NCOA1: variants seen among roughly 807,000 people sequenced by gnomAD.
The protein encoded by NCOA1 is nuclear receptor coactivator 1, also known as Hin-2 protein.
Under a neutral mutation model 150.9 loss-of-function variants are expected in NCOA1, and 35 were observed. The ratio of observed to expected loss-of-function variants is 0.23; its 90% confidence interval spans 0.18 to 0.31. The LOEUF is 0.31. Ranked by LOEUF, NCOA1 falls within the 10% of genes least tolerant of loss-of-function variation. The pLI, the probability that NCOA1 is intolerant of heterozygous loss-of-function variation, is 1.00. For synonymous variants in NCOA1, 590 were observed against 630.0 expected, an observed-to-expected ratio of 0.94 and a Z score of 0.95; for missense variants, 1,491 against 1,749.3, an observed-to-expected ratio of 0.85 and a Z score of 2.63.
chr2:24,741,775 G>C lies in NCOA1; in HGVS notation c.3304-9G>C. 2 of 1,595,442 alleles carry C rather than the reference G, an allele frequency of 1.3e-6. No individual in the cohort carries two copies. The highest frequency in any genetic ancestry group is 8.5e-7 in the Non-Finnish European group (1 of 1,172,262). ...AATTTTAGTAAGTGAGTTTTTTCCT[G>C]CTTTTCAGCCACCCCTGAATGCTCA... is the stretch of plus-strand genomic sequence containing the variant. On this transcript the variant is annotated splice_polypyrimidine_tract_variant and intron_variant, in intron 18 of 22. Transcript: ENST00000348332.
chr2:24,604,227 A>G lies in NCOA1; in HGVS notation c.-175+19667A>G, dbSNP rs146168268. On this transcript the variant is annotated intron_variant, in intron 3 of 22. Transcript: ENST00000348332. ...GTTGTTATAGCACACAGGCCAGGTA[A>G]ATTAAACGTAATTCTTATTGGCCAT... Among the ~76,000 whole-genome samples the G allele has an allele frequency of 1.5e-3, 226 of 152,274 alleles. 4 individuals carry two copies. The South Asian group carries it at 0.027, about 18-fold the overall frequency.
intron 14 of NCOA1, among the ~76,000 whole-genome samples, chr2:24,722,697 T>TA (rs995357709): frequency 6.6e-6 from 1 of 152,156 alleles, no homozygotes; most frequent in African/African-American, 2.4e-5. Flanking sequence ...TTTTTAATCT[T>TA]ATTAATTCAC....
At chr2:24,748,037 C>T (rs1457092722) in intron 19 of NCOA1, among the ~76,000 whole-genome samples, 3 of 150,968 alleles carry the variant, frequency 2.0e-5, no homozygotes, top group Admixed American at 6.6e-5. Flanking sequence ...ACCCAGGAGG[C>T]GGAGGTTGTG....
chr2:24,587,489 T>C (rs1333113199), intron 3 of NCOA1, among the ~76,000 whole-genome samples: 1 of 152,166 alleles, frequency 6.6e-6, no homozygotes, highest in Non-Finnish European at 1.5e-5. Context: ...GTCACATTAT[T>C]TCATTTTAAA....
At chr2:24,666,640 T>A (rs1671443984) in intron 6 of NCOA1, among the ~76,000 whole-genome samples, 1 of 50,220 alleles carries the variant, frequency 2.0e-5, no homozygotes, top group South Asian at 1.1e-3. Flanking sequence ...AAACCCGGAT[T>A]TTTTTTTTTT....
intron 1 of NCOA1, among the ~76,000 whole-genome samples, chr2:24,522,491 G>A (rs1476368668): frequency 1.3e-5 from 2 of 152,070 alleles, no homozygotes; most frequent in Non-Finnish European, 1.5e-5. Flanking sequence ...TATTATAATG[G>A]TATCTGATAA....
At chr2:24,740,012 A>G (rs1299589753) in intron 18 of NCOA1, among the ~76,000 whole-genome samples, 1 of 151,994 alleles carries the variant, frequency 6.6e-6, no homozygotes, top group Non-Finnish European at 1.5e-5. Flanking sequence ...AACTTTAAAC[A>G]TAAAAAGAAC....
chr2:24,762,758 A>G lies in NCOA1; in HGVS notation c.4137A>G (p.Thr1379=). ...TCTCATCCACTGACCTTCTCAAAAC[A>G]GAAGCAGATGGAACCCAGGTCAGTA... ...NQLSSTDLLK[T]EADGTQQVQQ... Residue 1379 remains threonine, a synonymous_variant, in exon 22 of 23, where the codon ACA becomes ACG. Transcript: ENST00000348332. 2 of 1,613,978 alleles carry G rather than the reference A, an allele frequency of 1.2e-6. No homozygotes were observed. Among genetic ancestry groups the G allele is most frequent in the South Asian group, 1.1e-5 (1 of 91,078 alleles).
chr2:24,595,120 A>G (rs1312367657), intron 3 of NCOA1, among the ~76,000 whole-genome samples: 6 of 152,104 alleles, frequency 3.9e-5, no homozygotes, highest in Non-Finnish European at 7.4e-5. Context: ...AGCACAGTTC[A>G]ATTATCTAAG....
At chr2:24,607,774 G>A (rs1178733026) in intron 3 of NCOA1, among the ~76,000 whole-genome samples, 1 of 151,948 alleles carries the variant, frequency 6.6e-6, no homozygotes, top group Non-Finnish European at 1.5e-5. Flanking sequence ...TTCATAAAAC[G>A]AGTTGGGGAA....
intron 17 of NCOA1, among the ~76,000 whole-genome samples, chr2:24,734,873 A>G (rs551409078): frequency 6.6e-6 from 1 of 152,340 alleles, no homozygotes. Context: ...AGAGTTCTAC[A>G]TAATAGACGG....
intron 3 of NCOA1, among the ~76,000 whole-genome samples, chr2:24,613,379 C>G (rs1668722230): frequency 1.3e-5 from 2 of 152,202 alleles, no homozygotes; most frequent in Non-Finnish European, 2.9e-5. Context: ...GAGCTACTTG[C>G]TCAGCCCCAG....
intron 22 of NCOA1, 141 bp downstream of exon 22, chr2:24,762,917 C>T: frequency 1.4e-6 from 1 of 711,342 alleles, no homozygotes; most frequent in East Asian, 2.6e-5. Flanking sequence ...GCTGTGTCGT[C>T]CTGGGCATGT....
At chr2:24,598,086 T>C (rs903317206) in intron 3 of NCOA1, among the ~76,000 whole-genome samples, 2 of 152,218 alleles carry the variant, frequency 1.3e-5, no homozygotes, top group African/African-American at 4.8e-5. Flanking sequence ...GCTTCATCCA[T>C]GTCCCTACAA....
chr2:24,562,793 G>A (rs1169917541), intron 1 of NCOA1, among the ~76,000 whole-genome samples: 1 of 152,150 alleles, frequency 6.6e-6, no homozygotes, highest in Non-Finnish European at 1.5e-5. Context: ...AGATGACCAA[G>A]ATTTTGAAAC....
intron 1 of NCOA1, among the ~76,000 whole-genome samples, chr2:24,557,729 A>G (rs983612669): frequency 8.5e-5 from 13 of 152,126 alleles, no homozygotes; most frequent in African/African-American, 3.1e-4. Context: ...TATACATAGA[A>G]CTGAATTCTA....
intron 7 of NCOA1, among the ~76,000 whole-genome samples, chr2:24,681,507 C>T (rs1197978986): frequency 6.6e-6 from 1 of 152,146 alleles, no homozygotes; most frequent in Non-Finnish European, 1.5e-5. Flanking sequence ...TTTTCAGTAT[C>T]ACGTCATTTT....
chr2:24,595,218 A>ATT (rs1558822905), intron 3 of NCOA1, among the ~76,000 whole-genome samples: 1 of 152,114 alleles, frequency 6.6e-6, no homozygotes, highest in Non-Finnish European at 1.5e-5. Context: ...GAAATTTAAA[A>ATT]TAAATATAAC....
Position 24,715,802 on chromosome 2 carries a change from G to C in NCOA1, c.2599+4691G>C, listed in dbSNP as rs1025992850. On this transcript the variant is annotated intron_variant, in intron 14 of 22. Coordinates refer to ENST00000348332, the MANE Select transcript of NCOA1 (RefSeq NM_003743.5). Reference sequence around the variant, plus strand: ...AAGACACAATTTTGTCAAGATATCAGTTATTCCAAAATCAACCCATGTAAA... The same window carrying C: ...AAGACACAATTTTGTCAAGATATCACTTATTCCAAAATCAACCCATGTAAA... Among the ~76,000 whole-genome samples, 76 of 152,252 alleles carry C rather than the reference G, an allele frequency of 5.0e-4. 1 individual carries two copies. The highest frequency in any genetic ancestry group is 1.8e-3 in the African/African-American group (74 of 41,554).
Sources: allele counts gnomAD v4.1 joint callset (sites outside exome capture counted in the v4.1 genomes callset), GRCh38; gene constraint gnomAD v4.1.1; transcripts MANE v1.5; gene names NCBI Gene and HGNC (gene_info 2026-07-23, HGNC 2026-07-21).